ZNF804B: variants seen among roughly 807,000 people sequenced by gnomAD.
ZNF804B encodes the protein zinc finger 804B.
In ZNF804B, 80 loss-of-function variants were observed where a neutral mutation model predicts 101.4. That is an observed-to-expected ratio of 0.79 (90% CI 0.66 to 0.95). The LOEUF is 0.95. Among genes scored for constraint, ZNF804B ranks in the 40% least tolerant of loss-of-function variants. ZNF804B has a pLI of 0.00. For missense variants in ZNF804B, 1,673 were observed against 1,561.9 expected, an observed-to-expected ratio of 1.07 and a Z score of -1.20; for synonymous variants, 622 against 558.8, an observed-to-expected ratio of 1.11 and a Z score of -1.59.
intron 1 of ZNF804B, among the ~76,000 whole-genome samples, chr7:88,839,125 T>TTAA (rs1791260322): frequency 6.6e-6 from 1 of 152,146 alleles, no homozygotes; most frequent in African/African-American, 2.4e-5. Flanking sequence ...GCTTAGCTTA[T>TTAA]CCTCACTCCT....
At chr7:88,935,787 T>C (rs1014138172) in intron 1 of ZNF804B, among the ~76,000 whole-genome samples, 1 of 151,860 alleles carries the variant, frequency 6.6e-6, no homozygotes, top group South Asian at 2.1e-4. Flanking sequence ...ACTAAAAAAA[T>C]TTTTTTATCC....
intron 1 of ZNF804B, among the ~76,000 whole-genome samples, chr7:89,074,002 AG>A (rs1789580154): frequency 6.6e-6 from 1 of 152,154 alleles, no homozygotes; most frequent in Non-Finnish European, 1.5e-5. Context: ...GCCTACCACA[AG>A]GGAAGTACCA....
intron 1 of ZNF804B, among the ~76,000 whole-genome samples, chr7:89,203,082 G>A (rs1394447367): frequency 6.6e-6 from 1 of 151,978 alleles, no homozygotes; most frequent in Non-Finnish European, 1.5e-5. Flanking sequence ...GCCCAACTCA[G>A]TATGGCTTGT....
chr7:89,068,077 C>CA (rs1256712620), intron 1 of ZNF804B, among the ~76,000 whole-genome samples: 1 of 149,366 alleles, frequency 6.7e-6, no homozygotes, highest in Non-Finnish European at 1.5e-5. Flanking sequence ...ACAGTGCACT[C>CA]AAATGTTAGT....
rs779178108 is a variant in ZNF804B, at chr7:89,336,498, A to C, written c.3516A>C (p.Gln1172His). Residue 1172 changes from glutamine to histidine, a missense_variant, in exon 4 of 4, where the codon CAA becomes CAC. Transcript: ENST00000333190. ...QLQAQQHMQK[Q>H]LLSKHLRVLP... Reference sequence around the variant, plus strand: ...AAGCCCAGCAGCATATGCAGAAGCAACTCCTATCAAAGCATCTTCGAGTTT... The same window carrying C: ...AAGCCCAGCAGCATATGCAGAAGCACCTCCTATCAAAGCATCTTCGAGTTT... 1 of 1,613,834 alleles carries C rather than the reference A, an allele frequency of 6.2e-7. No individual in the cohort carries two copies. The highest frequency in any genetic ancestry group is 8.5e-7 in the Non-Finnish European group (1 of 1,179,982).
At chr7:88,804,452 C>T (rs1050747723) in intron 1 of ZNF804B, among the ~76,000 whole-genome samples, 1 of 152,072 alleles carries the variant, frequency 6.6e-6, no homozygotes, top group East Asian at 1.9e-4. Flanking sequence ...TTGGAGACTA[C>T]ATATAACACT....
At chr7:89,232,413 A>G (rs1789206874) in intron 2 of ZNF804B, among the ~76,000 whole-genome samples, 1 of 152,204 alleles carries the variant, frequency 6.6e-6, no homozygotes, top group Admixed American at 6.5e-5. Context: ...TGGCTCTGGT[A>G]TCGAATACTA....
At chr7:88,915,188 T>G (rs1792614443) in intron 1 of ZNF804B, among the ~76,000 whole-genome samples, 1 of 152,122 alleles carries the variant, frequency 6.6e-6, no homozygotes, top group Admixed American at 6.5e-5. Flanking sequence ...TTACTGATTT[T>G]TATTTTAAAA....
At chr7:88,836,625 T>C (rs1024373214) in intron 1 of ZNF804B, among the ~76,000 whole-genome samples, 2 of 151,942 alleles carry the variant, frequency 1.3e-5, no homozygotes, top group African/African-American at 2.4e-5. Flanking sequence ...TATATAAAAA[T>C]GTATAAATGC....
At chr7:88,874,544 G>T (rs200603184) in intron 1 of ZNF804B, among the ~76,000 whole-genome samples, 32,587 of 151,618 alleles carry the variant, frequency 0.21, 3,602 homozygotes, top group Non-Finnish European at 0.23. Flanking sequence ...TCCCTGTCTT[G>T]TGCCAGTTTT....
chr7:88,878,663 T>C (rs1052244429), intron 1 of ZNF804B, among the ~76,000 whole-genome samples: 1 of 152,188 alleles, frequency 6.6e-6, no homozygotes, highest in Admixed American at 6.5e-5. Context: ...CTTGAAATAA[T>C]CATGAAGAAA....
intron 1 of ZNF804B, among the ~76,000 whole-genome samples, chr7:88,768,904 C>T (rs1464569935): frequency 6.6e-6 from 1 of 152,176 alleles, no homozygotes; most frequent in Non-Finnish European, 1.5e-5. Flanking sequence ...CTAGTTTTGC[C>T]ATTGACTAGT....
intron 2 of ZNF804B, among the ~76,000 whole-genome samples, chr7:89,253,473 A>G (rs1189272883): frequency 1.3e-5 from 2 of 152,142 alleles, no homozygotes; most frequent in Non-Finnish European, 2.9e-5. Flanking sequence ...TATTCATGTA[A>G]ACATATATAT....
At chr7:89,086,958 GTAC>G (rs957106698) in intron 1 of ZNF804B, among the ~76,000 whole-genome samples, 3 of 150,934 alleles carry the variant, frequency 2.0e-5, no homozygotes, top group African/African-American at 7.3e-5. Context: ...TTGTGCACAT[GTAC>G]CCTAAAACTT....
chr7:88,927,381 G>C lies in ZNF804B; in HGVS notation c.108+167297G>C, dbSNP rs1360520474. Among the ~76,000 whole-genome samples, 17 of 152,254 alleles carry C rather than the reference G, an allele frequency of 1.1e-4. No homozygotes were observed. In the South Asian group the frequency reaches 2.1e-3, roughly 19 times the overall value. On this transcript the variant is annotated intron_variant, in intron 1 of 3. Coordinates refer to ENST00000333190, the MANE Select transcript of ZNF804B (RefSeq NM_181646.5). ...GAAATAGCAAACAATATTGTGGTTTGATCTGAGAGGCATTTTTATCTAATA... is the reference window on the plus strand; with the variant it reads ...GAAATAGCAAACAATATTGTGGTTTCATCTGAGAGGCATTTTTATCTAATA...
intron 1 of ZNF804B, among the ~76,000 whole-genome samples, chr7:89,183,058 A>G (rs1006787089): frequency 6.6e-6 from 1 of 152,194 alleles, no homozygotes; most frequent in African/African-American, 2.4e-5. Context: ...TCTGGTAAAA[A>G]TTAGTTTTGG....
At chr7:88,924,489 T>C (rs1447219134) in intron 1 of ZNF804B, among the ~76,000 whole-genome samples, 2 of 152,146 alleles carry the variant, frequency 1.3e-5, no homozygotes, top group Non-Finnish European at 2.9e-5. Context: ...TTTTTCCCTA[T>C]AAGCCTTTGT....
At chr7:89,113,793 AT>A (rs1790259862) in intron 1 of ZNF804B, among the ~76,000 whole-genome samples, 1 of 152,166 alleles carries the variant, frequency 6.6e-6, no homozygotes, top group Non-Finnish European at 1.5e-5. Flanking sequence ...TCTACTAAAA[AT>A]ACAAAAATTA....
At chr7:89,180,583 TG>T (rs770988894) in intron 1 of ZNF804B, among the ~76,000 whole-genome samples, 3 of 151,932 alleles carry the variant, frequency 2.0e-5, no homozygotes, top group Non-Finnish European at 2.9e-5. Flanking sequence ...AAGCCTACAA[TG>T]GGGGTTTCAG....
Sources: gnomAD v4.1 joint callset for allele counts (sites outside exome capture counted in the v4.1 genomes callset) on GRCh38, gnomAD v4.1.1 for gene constraint, MANE v1.5 for transcripts, NCBI Gene and HGNC (gene_info 2026-07-23, HGNC 2026-07-21) for gene names.